The following SPATA16 variants were observed in gnomAD, a reference collection of about 807,000 sequenced individuals.
The protein encoded by SPATA16 is spermatogenesis associated 16, also known as spermatogenesis-associated protein 16.
In SPATA16, 36 loss-of-function variants were observed where a neutral mutation model predicts 63.3. The observed-to-expected ratio is 0.57, with a 90% CI of 0.44 to 0.75. The LOEUF (loss-of-function observed/expected upper bound fraction) is 0.75. Ranked by LOEUF, SPATA16 falls within the 30% of genes least tolerant of loss-of-function variation. The pLI is 0.00. For synonymous variants in SPATA16, 203 were observed against 216.7 expected, an observed-to-expected ratio of 0.94 and a Z score of 0.56; for missense variants, 646 against 679.3, an observed-to-expected ratio of 0.95 and a Z score of 0.54.
chr3:172,947,032 G>A (rs1387833334), intron 6 of SPATA16, among the ~76,000 whole-genome samples: 1 of 152,156 alleles, frequency 6.6e-6, no homozygotes, highest in Non-Finnish European at 1.5e-5. Flanking sequence ...AGGAAAGAGA[G>A]AGAATTAGAG....
chr3:172,971,920 G>T (rs769929524), intron 5 of SPATA16, among the ~76,000 whole-genome samples: 2 of 152,242 alleles, frequency 1.3e-5, no homozygotes, highest in East Asian at 3.9e-4. Flanking sequence ...TTGTAAAAGA[G>T]TCTTAGCCTG....
rs997684187 is a variant in SPATA16, at chr3:172,912,042, C to G, written c.1587+1619G>C. On this transcript the variant is annotated intron_variant, in intron 10 of 10. Coordinates refer to ENST00000351008, the MANE Select transcript of SPATA16 (RefSeq NM_031955.6). ...ATAAGTCCTTCTGTAATTTCTCCTG[C>G]CTCTGCACTTCATTTTGAAATATCT... Among the ~76,000 whole-genome samples the G allele has an allele frequency of 2.0e-5, 3 of 152,318 alleles. 1 individual carries two copies.
chr3:172,970,055 C>T (rs747528533), intron 5 of SPATA16, among the ~76,000 whole-genome samples: 14 of 152,024 alleles, frequency 9.2e-5, no homozygotes, highest in African/African-American at 3.1e-4. Flanking sequence ...TTTGGTAAGC[C>T]GCTGAGTTTT....
At chr3:172,915,501 G>A (rs1162257974) in intron 9 of SPATA16, among the ~76,000 whole-genome samples, 10 of 151,804 alleles carry the variant, frequency 6.6e-5, no homozygotes, top group African/African-American at 2.4e-5. Context: ...AGTTTTAGCT[G>A]CTCTCAATTA....
intron 3 of SPATA16, among the ~76,000 whole-genome samples, chr3:173,023,569 T>C (rs1352306244): frequency 2.0e-5 from 3 of 151,936 alleles, no homozygotes; most frequent in Non-Finnish European, 4.4e-5. Flanking sequence ...TTTTTATTGG[T>C]ATTAAACTAA....
chr3:173,063,685 T>C (rs1029088180), intron 2 of SPATA16, among the ~76,000 whole-genome samples: 1 of 152,226 alleles, frequency 6.6e-6, no homozygotes, highest in African/African-American at 2.4e-5. Context: ...GCAGATTTAC[T>C]ACAGATTTTT....
At chr3:173,067,794 T>C (rs1381383333) in intron 2 of SPATA16, among the ~76,000 whole-genome samples, 4 of 151,874 alleles carry the variant, frequency 2.6e-5, no homozygotes, top group Admixed American at 6.6e-5. Context: ...CCAACAGAAA[T>C]AAGACTATGG....
intron 10 of SPATA16, among the ~76,000 whole-genome samples, chr3:172,907,894 A>G (rs1203460900): frequency 6.6e-6 from 1 of 152,082 alleles, no homozygotes; most frequent in African/African-American, 2.4e-5. Context: ...CAGGTTTTAC[A>G]TGTGCTATTT....
At chr3:172,908,097 T>C (rs1732282487) in intron 10 of SPATA16, among the ~76,000 whole-genome samples, 1 of 152,182 alleles carries the variant, frequency 6.6e-6, no homozygotes, top group Non-Finnish European at 1.5e-5. Flanking sequence ...TTCATGGCTG[T>C]TTCTCCAGTG....
intron 2 of SPATA16, among the ~76,000 whole-genome samples, chr3:173,105,387 G>T (rs780519938): frequency 2.6e-5 from 4 of 152,088 alleles, no homozygotes; most frequent in Non-Finnish European, 4.4e-5. Context: ...AGTCAAACAG[G>T]TTATTCTTTA....
At chr3:172,897,042 A>G (rs972417062) in intron 10 of SPATA16, among the ~76,000 whole-genome samples, 1 of 152,000 alleles carries the variant, frequency 6.6e-6, no homozygotes, top group African/African-American at 2.4e-5. Context: ...ATTTTTTCCT[A>G]TTCTTTTGTA....
chr3:172,896,301 A>G (rs1054695306), intron 10 of SPATA16, among the ~76,000 whole-genome samples: 23 of 152,014 alleles, frequency 1.5e-4, no homozygotes, highest in Non-Finnish European at 2.6e-4. Flanking sequence ...GCTCACTGCA[A>G]GCTCCGCCTC....
intron 4 of SPATA16, among the ~76,000 whole-genome samples, chr3:173,000,722 T>G (rs1208603995): frequency 6.6e-6 from 1 of 151,974 alleles, no homozygotes; most frequent in Non-Finnish European, 1.5e-5. Flanking sequence ...TGTGGTTTTT[T>G]TTTTTTCAGT....
intron 3 of SPATA16, among the ~76,000 whole-genome samples, chr3:173,032,684 A>C (rs1163118576): frequency 6.6e-6 from 1 of 152,170 alleles, no homozygotes; most frequent in Non-Finnish European, 1.5e-5. Flanking sequence ...AGAGGCATGC[A>C]GTGAAATGCC....
At chr3:173,138,995 A>G (rs1738626940) in intron 1 of SPATA16, among the ~76,000 whole-genome samples, 1 of 152,204 alleles carries the variant, frequency 6.6e-6, no homozygotes. Flanking sequence ...CAGTAATTTT[A>G]TAATAATTTT....
chr3:173,084,578 C>A (rs1737001730), intron 2 of SPATA16, among the ~76,000 whole-genome samples: 1 of 152,226 alleles, frequency 6.6e-6, no homozygotes, highest in African/African-American at 2.4e-5. Flanking sequence ...ATGTTTTTGT[C>A]ATGAAATCTT....
chr3:173,136,480 G>T (rs1488353027), intron 1 of SPATA16, among the ~76,000 whole-genome samples: 1 of 151,986 alleles, frequency 6.6e-6, no homozygotes, highest in Non-Finnish European at 1.5e-5. Flanking sequence ...TGCCCTCAAG[G>T]ATTTATCCTT....
intron 2 of SPATA16, among the ~76,000 whole-genome samples, chr3:173,072,876 A>G (rs1736706337): frequency 6.6e-6 from 1 of 152,216 alleles, no homozygotes; most frequent in Non-Finnish European, 1.5e-5. Flanking sequence ...TAGAAAATGT[A>G]AGAAAATTTG....
At chr3:173,112,315 G>T (rs995247706) in intron 2 of SPATA16, among the ~76,000 whole-genome samples, 1 of 152,198 alleles carries the variant, frequency 6.6e-6, no homozygotes, top group African/African-American at 2.4e-5. Flanking sequence ...ATCACAGAGC[G>T]TAGTGCTCCT....
Sources: gnomAD v4.1 joint callset for allele counts (sites outside exome capture counted in the v4.1 genomes callset) on GRCh38, gnomAD v4.1.1 for gene constraint, MANE v1.5 for transcripts, NCBI Gene and HGNC (gene_info 2026-07-23, HGNC 2026-07-21) for gene names.